Variants in GALNT18 observed in about 807,000 individuals in gnomAD.
GALNT18 encodes polypeptide N-acetylgalactosaminyltransferase 18.
GALNT18 carries 44 observed loss-of-function variants against 69.5 expected under a neutral mutation model. That is an observed-to-expected ratio of 0.63 (90% confidence interval 0.50 to 0.81). The LOEUF is 0.81. Ranked by LOEUF, GALNT18 falls within the 40% of genes least tolerant of loss-of-function variation. The pLI is 0.00. For missense variants in GALNT18, 715 were observed against 810.0 expected (o/e 0.88, Z 1.42); for synonymous variants, 364 against 318.2 (o/e 1.14, Z -1.53).
intron 1 of GALNT18, among the ~76,000 whole-genome samples, chr11:11,449,918 T>C (rs1855753726): frequency 6.6e-6 from 1 of 152,204 alleles, no homozygotes; most frequent in African/African-American, 2.4e-5. Context: ...CAATTAGGGT[T>C]ATTATAGCAA....
chr11:11,468,230 G>T (rs1039467618), intron 1 of GALNT18, among the ~76,000 whole-genome samples: 1 of 152,156 alleles, frequency 6.6e-6, no homozygotes, highest in African/African-American at 2.4e-5. Context: ...TGACTGCAAG[G>T]TCTGTTTTCC....
rs1232622715 is a variant in GALNT18, at chr11:11,402,815, T to C, written c.596-23551A>G. Among the ~76,000 whole-genome samples the C allele has an allele frequency of 6.6e-6, 1 of 152,216 alleles. No homozygotes were observed. The highest frequency in any genetic ancestry group is 2.4e-5 in the African/African-American group (1 of 41,470). On this transcript the variant is annotated intron_variant, in intron 3 of 10. Transcript: ENST00000227756. This position sits in a 1 kb window ranked among gnomAD's most constrained non-coding sequence, Gnocchi z 4.0. ...AAGATATAAAAATACAAATGGCTTC[T>C]TGTAGTGCTGTTGGCATCTGACAAG...
At chr11:11,488,745 C>A (rs540724045) in intron 1 of GALNT18, among the ~76,000 whole-genome samples, 1 of 152,236 alleles carries the variant, frequency 6.6e-6, no homozygotes, top group Admixed American at 6.5e-5. Flanking sequence ...CTCCTGGGCC[C>A]TGTAAGAGTG....
intron 1 of GALNT18, among the ~76,000 whole-genome samples, chr11:11,530,734 G>T (rs1315898278): frequency 6.6e-6 from 1 of 152,204 alleles, no homozygotes; most frequent in Non-Finnish European, 1.5e-5. Context: ...AAGCCATTCT[G>T]GTCAGCTGTG....
chr11:11,485,261 A>G (rs1247041278), intron 1 of GALNT18, among the ~76,000 whole-genome samples: 2 of 152,324 alleles, frequency 1.3e-5, no homozygotes, highest in East Asian at 1.9e-4. Flanking sequence ...AAGTCCCACA[A>G]GACTGCCTCC....
rs1854829100 is a variant in GALNT18 at position 11,415,247 on chromosome 11, C to G, written c.595+17374G>C. Among the ~76,000 whole-genome samples the G allele has an allele frequency of 6.6e-6, 1 of 152,124 alleles. No homozygotes were observed. The highest frequency in any genetic ancestry group is 1.5e-5 in the Non-Finnish European group (1 of 68,018). The stretch of plus-strand genomic sequence containing the variant: ...CGATTGGGGACCTTAATTACGTCAG[C>G]CAATTCCCCTCACAGCAGGACTCAG... On this transcript the variant is annotated intron_variant, in intron 3 of 10. Transcript: ENST00000227756. This position sits in a 1 kb window ranked among gnomAD's most constrained non-coding sequence, Gnocchi z 4.1.
chr11:11,341,367 A>G lies in GALNT18; in HGVS notation c.1093-363T>C, dbSNP rs1850204011. Among the ~76,000 whole-genome samples, 1 of 152,176 alleles carries G rather than the reference A, an allele frequency of 6.6e-6. No homozygotes were observed. Among genetic ancestry groups the G allele is most frequent in the African/African-American group, 2.4e-5 (1 of 41,450 alleles). On this transcript the variant is annotated intron_variant, in intron 6 of 10. Coordinates refer to ENST00000227756, the MANE Select transcript of GALNT18 (RefSeq NM_198516.3). This position sits in a 1 kb window ranked among gnomAD's most constrained non-coding sequence, Gnocchi z 6.3. The stretch of plus-strand genomic sequence containing the variant: ...AGAAGTTAACAAAACCCTTGATGAT[A>G]GTCTGCAGCAGTGGTTGACATAAAG...
chr11:11,298,504 C>T (rs1025235636), intron 9 of GALNT18, among the ~76,000 whole-genome samples: 3 of 152,222 alleles, frequency 2.0e-5, no homozygotes, highest in African/African-American at 4.8e-5. Flanking sequence ...GGGCTCTCCT[C>T]GGCTGCACTG....
chr11:11,539,414 G>C (rs140992352), intron 1 of GALNT18, among the ~76,000 whole-genome samples: 1 of 152,206 alleles, frequency 6.6e-6, no homozygotes, highest in East Asian at 1.9e-4. Flanking sequence ...AGAGTGAGCA[G>C]GTCGCTTTCC....
Position 11,287,611 on chromosome 11 carries a change from A to G in GALNT18, c.1677+5418T>C, listed in dbSNP as rs545369594. ...AAATCTCAGTACGAAGGCTACTCTC[A>G]GAAGGTTGAAAGACATATACTTAAT... On this transcript the variant is annotated intron_variant, in intron 10 of 10. Transcript: ENST00000227756. Among the ~76,000 whole-genome samples, 7 of 152,372 alleles carry G rather than the reference A, an allele frequency of 4.6e-5. No homozygotes were observed. In the South Asian group the frequency reaches 1.4e-3, roughly 32 times the overall value.
At chr11:11,417,875 T>C (rs1854901878) in intron 3 of GALNT18, among the ~76,000 whole-genome samples, 1 of 152,220 alleles carries the variant, frequency 6.6e-6, no homozygotes, top group South Asian at 2.1e-4. Flanking sequence ...GAAATGAACA[T>C]GGTATTAATA....
At chr11:11,273,669 T>A (rs938997174) in intron 10 of GALNT18, among the ~76,000 whole-genome samples, 3 of 152,158 alleles carry the variant, frequency 2.0e-5, no homozygotes, top group Non-Finnish European at 4.4e-5. Flanking sequence ...AACTACTGTA[T>A]AATCTAGCAA....
intron 2 of GALNT18, among the ~76,000 whole-genome samples, chr11:11,445,619 C>T (rs1295380055): frequency 6.6e-6 from 1 of 152,186 alleles, no homozygotes; most frequent in African/African-American, 2.4e-5. Context: ...GCGTCTGGCA[C>T]GTGAGCTGAA....
intron 1 of GALNT18, among the ~76,000 whole-genome samples, chr11:11,450,794 G>A (rs920973971): frequency 2.0e-5 from 3 of 152,178 alleles, no homozygotes; most frequent in Non-Finnish European, 4.4e-5. Context: ...GGTAGGAATT[G>A]TTGTCATCTT....
intron 1 of GALNT18, among the ~76,000 whole-genome samples, chr11:11,516,614 C>G (rs1857283008): frequency 6.6e-6 from 1 of 152,116 alleles, no homozygotes; most frequent in Non-Finnish European, 1.5e-5. Context: ...CTGGGCAACA[C>G]AGTGAAACTC....
chr11:11,321,128 C>A (rs369900506), intron 9 of GALNT18, among the ~76,000 whole-genome samples: 4 of 152,198 alleles, frequency 2.6e-5, no homozygotes, highest in African/African-American at 9.7e-5. Flanking sequence ...CCCACGCCAA[C>A]TGAATTTCAA....
intron 1 of GALNT18, among the ~76,000 whole-genome samples, chr11:11,524,606 TG>T (rs1857476769): frequency 6.6e-6 from 1 of 152,202 alleles, no homozygotes; most frequent in African/African-American, 2.4e-5. Flanking sequence ...TGCCTCAGAA[TG>T]GGAAGACACG....
chr11:11,340,792 A>G lies in GALNT18; in HGVS notation c.1278+27T>C. ...TGTTTGTTTTCCACCAATCCCCGAG[A>G]AACTCATCCCTACCGGAGATCCCTA... On this transcript the variant is annotated intron_variant, in intron 7 of 10. Coordinates refer to ENST00000227756, the MANE Select transcript of GALNT18 (RefSeq NM_198516.3). The surrounding 1 kb of genome is among the most constrained non-coding windows in gnomAD (Gnocchi z 4.2). 6.3e-7 allele frequency: 1 copy of G among 1,577,818 alleles called. No homozygotes were observed.
At chr11:11,322,119 A>G (rs1421627041) in intron 9 of GALNT18, among the ~76,000 whole-genome samples, 2 of 152,254 alleles carry the variant, frequency 1.3e-5, no homozygotes, top group Non-Finnish European at 1.5e-5. Flanking sequence ...GTATGGTTTT[A>G]AATATTTTAC....
Sources: allele counts gnomAD v4.1 joint callset (sites outside exome capture counted in the v4.1 genomes callset), GRCh38; gene constraint gnomAD v4.1.1; non-coding constraint Gnocchi (gnomAD v3.1); transcripts MANE v1.5; gene names NCBI Gene and HGNC (gene_info 2026-07-23, HGNC 2026-07-21).